The following MAGI1 variants were observed in gnomAD, a reference collection of about 807,000 sequenced individuals.
The protein encoded by MAGI1 is membrane associated guanylate kinase, WW and PDZ domain containing 1, also known as membrane-associated guanylate kinase, WW and PDZ domain-containing protein 1.
Under a neutral mutation model 139.9 loss-of-function variants are expected in MAGI1, and 58 were observed. The ratio of observed to expected loss-of-function variants is 0.41; its 90% CI spans 0.34 to 0.52. The LOEUF is 0.52. MAGI1 is among the 20% of genes least tolerant of loss of function. MAGI1 has a pLI of 0.12. For missense variants in MAGI1, 1,874 were observed against 1,901.6 expected (o/e 0.99, Z 0.27); for synonymous variants, 812 against 737.9 (o/e 1.10, Z -1.63).
intron 2 of MAGI1, among the ~76,000 whole-genome samples, chr3:65,527,503 A>G (rs955817333): frequency 1.3e-5 from 2 of 152,172 alleles, no homozygotes; most frequent in African/African-American, 4.8e-5. Flanking sequence ...AGGCAGGTGG[A>G]TCATGAGGTC....
At position 65,688,914 on chromosome 3, in the gene MAGI1, C is replaced by A. The variant is rs968228894; in HGVS notation, c.314-66826G>T. Among the ~76,000 whole-genome samples the A allele has an allele frequency of 1.3e-5, 2 of 152,148 alleles. 1 individual carries two copies. Among genetic ancestry groups the A allele is most frequent in the Middle Eastern group, 6.3e-3 (2 of 316 alleles). On this transcript the variant is annotated intron_variant, in intron 1 of 22. Coordinates refer to ENST00000402939, the MANE Select transcript of MAGI1 (RefSeq NM_001033057.2). ...GAACTACTGAGTAAGAAACTATTGACGCTGGCAGCTCTGTTTGTACCTTTA... is the reference window on the plus strand; with the variant it reads ...GAACTACTGAGTAAGAAACTATTGAAGCTGGCAGCTCTGTTTGTACCTTTA...
At chr3:65,601,781 T>C (rs1467188177) in intron 2 of MAGI1, among the ~76,000 whole-genome samples, 2 of 151,900 alleles carry the variant, frequency 1.3e-5, no homozygotes, top group Non-Finnish European at 2.9e-5. Flanking sequence ...TTTAAAACTT[T>C]TGTGCTGAAA....
chr3:65,686,395 G>A (rs548378852), intron 1 of MAGI1, among the ~76,000 whole-genome samples: 234 of 152,246 alleles, frequency 1.5e-3, no homozygotes, highest in African/African-American at 5.4e-3. Flanking sequence ...GGATTCAAGC[G>A]ATTCTCCTGC....
chr3:65,363,195 A>G (rs1289480237), intron 21 of MAGI1, among the ~76,000 whole-genome samples: 1 of 152,232 alleles, frequency 6.6e-6, no homozygotes, highest in East Asian at 1.9e-4. Context: ...GCTCTGAAAA[A>G]TATCTACTTT....
intron 1 of MAGI1, among the ~76,000 whole-genome samples, chr3:65,927,883 A>G (rs981363015): frequency 6.6e-6 from 1 of 152,188 alleles, no homozygotes; most frequent in African/African-American, 2.4e-5. Context: ...CGCTCAGGAA[A>G]ATCAACTACT....
At chr3:65,459,476 A>C (rs1949630520) in intron 5 of MAGI1, among the ~76,000 whole-genome samples, 1 of 152,184 alleles carries the variant, frequency 6.6e-6, no homozygotes, top group Admixed American at 6.6e-5. Context: ...TTTATCTTGC[A>C]ACCTTGCTGA....
chr3:65,705,268 G>T (rs952911708), intron 1 of MAGI1, among the ~76,000 whole-genome samples: 3 of 151,104 alleles, frequency 2.0e-5, no homozygotes, highest in South Asian at 2.1e-4. Context: ...TATTTTCTCT[G>T]CCCTAGAAAA....
At chr3:65,414,051 G>A (rs1008663367) in intron 12 of MAGI1, among the ~76,000 whole-genome samples, 7 of 152,166 alleles carry the variant, frequency 4.6e-5, no homozygotes, top group Admixed American at 3.9e-4. Flanking sequence ...TTTCTCTCTT[G>A]TCTGATTCTG....
chr3:65,783,916 A>G (rs1487558277), intron 1 of MAGI1, among the ~76,000 whole-genome samples: 1 of 152,062 alleles, frequency 6.6e-6, no homozygotes, highest in Non-Finnish European at 1.5e-5. Context: ...TGAGGTCAGG[A>G]GTTCGAGACC....
intron 1 of MAGI1, among the ~76,000 whole-genome samples, chr3:66,031,141 A>G (rs1323014655): frequency 1.3e-5 from 2 of 152,244 alleles, no homozygotes; most frequent in Non-Finnish European, 2.9e-5. Flanking sequence ...GCAAAAAGAC[A>G]GGCAGGCATG....
At chr3:65,766,161 G>A (rs1322378484) in intron 1 of MAGI1, among the ~76,000 whole-genome samples, 1 of 152,072 alleles carries the variant, frequency 6.6e-6, no homozygotes, top group East Asian at 1.9e-4. Context: ...TATATATAAG[G>A]CACAAGTCAA....
intron 2 of MAGI1, among the ~76,000 whole-genome samples, chr3:65,594,956 A>C (rs568328655): frequency 6.6e-6 from 1 of 152,338 alleles, no homozygotes; most frequent in Admixed American, 6.5e-5. Context: ...GTATTTATTT[A>C]TTGAAATCAT....
intron 1 of MAGI1, among the ~76,000 whole-genome samples, chr3:65,755,521 T>C (rs4688598): frequency 0.25 from 38,079 of 151,922 alleles, 5,433 homozygotes; most frequent in East Asian, 0.56. Flanking sequence ...GGGTGGTAAT[T>C]AGAATTCATT....
intron 1 of MAGI1, among the ~76,000 whole-genome samples, chr3:65,746,762 G>T (rs2035746050): frequency 6.6e-6 from 1 of 152,100 alleles, no homozygotes. Context: ...TGAATATCTG[G>T]AAAATAATTA....
Position 65,430,893 on chromosome 3 carries a change from T to C in MAGI1, c.1364-12A>G, listed in dbSNP as rs1947400913. 2 of 1,611,970 alleles carry C rather than the reference T, an allele frequency of 1.2e-6. No individual in the cohort carries two copies. Among genetic ancestry groups the C allele is most frequent in the East Asian group, 4.5e-5 (2 of 44,744 alleles). On this transcript the variant is annotated splice_polypyrimidine_tract_variant and intron_variant, in intron 10 of 22. Coordinates refer to ENST00000402939, the MANE Select transcript of MAGI1 (RefSeq NM_001033057.2). Reference sequence around the variant, plus strand: ...AAAAAAGGGTTTGCCTGGATTAAAATAAGAAACGCATAAGGAATGTCACCA... The same window carrying C: ...AAAAAAGGGTTTGCCTGGATTAAAACAAGAAACGCATAAGGAATGTCACCA...
chr3:66,010,176 G>A (rs961969411), intron 1 of MAGI1, among the ~76,000 whole-genome samples: 7 of 150,276 alleles, frequency 4.7e-5, no homozygotes, highest in Admixed American at 1.3e-4. Flanking sequence ...ATTAAGCAAT[G>A]CTAAGCATCA....
intron 1 of MAGI1, among the ~76,000 whole-genome samples, chr3:65,921,304 G>A (rs1301396981): frequency 2.0e-5 from 3 of 147,454 alleles, no homozygotes; most frequent in Non-Finnish European, 3.0e-5. Context: ...TAGCAATGAC[G>A]TATAATTTTT....
chr3:65,456,903 T>C (rs4618171), intron 5 of MAGI1, among the ~76,000 whole-genome samples: 82,521 of 152,030 alleles, frequency 0.54, 23,795 homozygotes, highest in East Asian at 0.95. Context: ...CCTTCACCAA[T>C]AACACACAGT....
intron 2 of MAGI1, among the ~76,000 whole-genome samples, chr3:65,589,720 T>C (rs1208073685): frequency 6.6e-6 from 1 of 151,660 alleles, no homozygotes; most frequent in African/African-American, 2.4e-5. Flanking sequence ...AAAAATACAA[T>C]AACCAGATGA....
Sources: allele counts gnomAD v4.1 joint callset (sites outside exome capture counted in the v4.1 genomes callset), GRCh38; gene constraint gnomAD v4.1.1; transcripts MANE v1.5; gene names NCBI Gene and HGNC (gene_info 2026-07-23, HGNC 2026-07-21).